CSMD1: variants seen among roughly 807,000 people sequenced by gnomAD.
CSMD1 encodes the protein CUB and Sushi multiple domains 1.
A neutral mutation model predicts 417.5 loss-of-function variants in CSMD1; 213 were observed. The observed-to-expected ratio is 0.51, with a 90% confidence interval of 0.46 to 0.57. CSMD1 has a LOEUF of 0.57. CSMD1 is among the 20% of genes least tolerant of loss of function. The probability of loss-of-function intolerance (pLI) is 0.00; values close to 1 mark genes in which losing one functional copy is unlikely to be tolerated. For missense variants in CSMD1, 6,923 were observed against 4,529.7 expected (o/e 1.53, Z -15.17); for synonymous variants, 2,862 against 1,736.8 (o/e 1.65, Z -16.11).
At chr8:4,389,530 C>T (rs956488234) in intron 3 of CSMD1, among the ~76,000 whole-genome samples, 1 of 152,080 alleles carries the variant, frequency 6.6e-6, no homozygotes, top group African/African-American at 2.4e-5. Context: ...GTCATATACT[C>T]AGCAGAAGAC....
At chr8:4,601,348 G>A (rs1039847199) in intron 2 of CSMD1, among the ~76,000 whole-genome samples, 3 of 152,172 alleles carry the variant, frequency 2.0e-5, no homozygotes, top group Non-Finnish European at 4.4e-5. Flanking sequence ...AGGTGGAGCT[G>A]TACCAGGGCC....
rs549920778 is a variant in CSMD1 at position 3,531,200 on chromosome 8, C to T, written c.1345-37474G>A. Among the ~76,000 whole-genome samples the T allele has an allele frequency of 5.3e-5, 8 of 152,212 alleles. No individual in the cohort carries two copies. The South Asian group carries it at 1.0e-3, about 20-fold the overall frequency. On this transcript the variant is annotated intron_variant, in intron 10 of 69. Transcript: ENST00000635120. ...AAAATAAGCATAATTTCTGGAGATT[C>T]ACCTAATTTAAAACAACCTAAAATA...
chr8:4,624,182 C>G (rs1801959203), intron 2 of CSMD1, among the ~76,000 whole-genome samples: 1 of 152,098 alleles, frequency 6.6e-6, no homozygotes. Context: ...AAATCAACTA[C>G]TGTTCCAAGA....
chr8:4,936,809 T>C (rs1807651329), intron 1 of CSMD1, among the ~76,000 whole-genome samples: 1 of 152,242 alleles, frequency 6.6e-6, no homozygotes, highest in Non-Finnish European at 1.5e-5. Context: ...ATTAAATGGA[T>C]TTTATAACAG....
At chr8:4,445,389 C>T (rs374668785) in intron 2 of CSMD1, among the ~76,000 whole-genome samples, 6 of 152,258 alleles carry the variant, frequency 3.9e-5, no homozygotes, top group African/African-American at 1.4e-4. Flanking sequence ...TCAACAAATT[C>T]TATGCTTTTG....
At chr8:3,819,535 C>CAT (rs1801598037) in intron 5 of CSMD1, among the ~76,000 whole-genome samples, 1 of 4,356 alleles carries the variant, frequency 2.3e-4, no homozygotes, top group African/African-American at 4.3e-4. Context: ...GTGATTTCTA[C>CAT]ACACACACAC....
intron 2 of CSMD1, among the ~76,000 whole-genome samples, chr8:4,491,611 C>T (rs1801706365): frequency 6.6e-6 from 1 of 152,026 alleles, no homozygotes; most frequent in Non-Finnish European, 1.5e-5. Context: ...AAAAAAGATA[C>T]AAGGAGAGTA....
At chr8:3,881,711 C>T (rs1017957845) in intron 5 of CSMD1, among the ~76,000 whole-genome samples, 1 of 151,270 alleles carries the variant, frequency 6.6e-6, no homozygotes, top group Admixed American at 6.6e-5. Context: ...AAAAGCAGAG[C>T]TTGGGGCCTT....
intron 1 of CSMD1, among the ~76,000 whole-genome samples, chr8:4,785,780 C>T (rs940956642): frequency 1.3e-5 from 2 of 152,106 alleles, no homozygotes; most frequent in Admixed American, 6.6e-5. Flanking sequence ...CTCCCGGGAA[C>T]CTTATAAGAT....
chr8:3,987,565 G>A (rs1034748176), intron 5 of CSMD1, among the ~76,000 whole-genome samples: 5 of 152,156 alleles, frequency 3.3e-5, no homozygotes, highest in African/African-American at 4.8e-5. Flanking sequence ...ACGAAGGGGA[G>A]GAACACCATT....
intron 68 of CSMD1, among the ~76,000 whole-genome samples, chr8:2,943,482 C>A (rs1802026486): frequency 6.6e-6 from 1 of 152,112 alleles, no homozygotes; most frequent in Non-Finnish European, 1.5e-5. Context: ...CCTGCCTCGG[C>A]CTCGAAAAGT....
intron 5 of CSMD1, among the ~76,000 whole-genome samples, chr8:3,931,127 G>C (rs749082115): frequency 6.6e-6 from 1 of 150,482 alleles, no homozygotes; most frequent in African/African-American, 2.4e-5. Flanking sequence ...ATATTGCAGG[G>C]TAACCATAGA....
chr8:4,225,437 T>C (rs890108056), intron 3 of CSMD1, among the ~76,000 whole-genome samples: 2 of 152,076 alleles, frequency 1.3e-5, no homozygotes, highest in African/African-American at 2.4e-5. Context: ...ATTATTCTGA[T>C]GAGTATTTGT....
chr8:3,373,745 A>T, intron 18 of CSMD1: 1 of 152,166 alleles, frequency 6.6e-6, no homozygotes, highest in East Asian at 1.9e-4. Context: ...AAGACACAGT[A>T]AAATTTTACT....
chr8:3,524,341 G>C (rs1797661326), intron 10 of CSMD1, among the ~76,000 whole-genome samples: 1 of 147,926 alleles, frequency 6.8e-6, no homozygotes, highest in Non-Finnish European at 1.5e-5. Flanking sequence ...ACACACACAT[G>C]CACACCCAGA....
At chr8:3,700,305 G>A (rs1800784226) in intron 7 of CSMD1, among the ~76,000 whole-genome samples, 1 of 152,130 alleles carries the variant, frequency 6.6e-6, no homozygotes, top group African/African-American at 2.4e-5. Flanking sequence ...CTGCCCTCAT[G>A]TAGTTCAGTT....
At chr8:4,850,284 TC>T (rs1801388511) in intron 1 of CSMD1, among the ~76,000 whole-genome samples, 1 of 151,710 alleles carries the variant, frequency 6.6e-6, no homozygotes, top group Admixed American at 6.6e-5. Flanking sequence ...AGATACACAA[TC>T]CCCAAACATT....
At chr8:3,037,001 A>C (rs1483892142) in intron 50 of CSMD1, among the ~76,000 whole-genome samples, 2 of 152,110 alleles carry the variant, frequency 1.3e-5, no homozygotes, top group African/African-American at 2.4e-5. Flanking sequence ...GAGTCCCCAG[A>C]GTCCACTGTA....
chr8:3,445,348 G>A (rs777998886), intron 12 of CSMD1, among the ~76,000 whole-genome samples: 1 of 152,108 alleles, frequency 6.6e-6, no homozygotes, highest in African/African-American at 2.4e-5. Flanking sequence ...GCAGATTGAC[G>A]TGTATACATA....
Sources: gnomAD v4.1 joint callset for allele counts (sites outside exome capture counted in the v4.1 genomes callset) on GRCh38, gnomAD v4.1.1 for gene constraint, MANE v1.5 for transcripts, NCBI Gene and HGNC (gene_info 2026-07-23, HGNC 2026-07-21) for gene names.